SLC24A1: variants seen among roughly 807,000 people sequenced by gnomAD.
The protein encoded by SLC24A1 is sodium/potassium/calcium exchanger 1.
In SLC24A1, 52 loss-of-function variants were observed where a neutral mutation model predicts 88.1. That is an observed-to-expected ratio of 0.59 (90% CI 0.47 to 0.74). The LOEUF is 0.74. Ranked by LOEUF, SLC24A1 falls within the 30% of genes least tolerant of loss-of-function variation. SLC24A1 has a pLI of 0.00. For synonymous variants in SLC24A1, 455 were observed against 498.0 expected (o/e 0.91, Z 1.15); for missense variants, 1,173 against 1,363.3 (o/e 0.86, Z 2.20).
intron 1 of SLC24A1, among the ~76,000 whole-genome samples, chr15:65,622,345 G>A (rs1302683644): frequency 6.6e-6 from 1 of 152,166 alleles, no homozygotes; most frequent in Non-Finnish European, 1.5e-5. Context: ...TCCCTCTCTT[G>A]CTTTTTAAGA....
chr15:65,650,353 C>T lies in SLC24A1; in HGVS notation c.2233-29C>T, dbSNP rs752779453. 566 of 1,528,122 alleles carry T rather than the reference C, an allele frequency of 3.7e-4. No homozygotes were observed. The highest frequency in any genetic ancestry group is 2.9e-4 in the Non-Finnish European group (328 of 1,128,770). The allele number at this position is 1,528,122 out of a possible 1,614,324, so 94.7% of individuals were successfully genotyped here. ...AGGAAAACAAGCAGAGCAGTTACCA[C>T]ACATTAATCTGTTGGTTTTGGATTG... On this transcript the variant is annotated intron_variant, in intron 6 of 9. Transcript: ENST00000261892. The surrounding 1 kb of genome is among the most constrained non-coding windows in gnomAD (Gnocchi z 4.1).
At position 65,624,627 on chromosome 15, in the gene SLC24A1, A is replaced by C; in HGVS notation, c.547A>C (p.Arg183=). The change falls in exon 2 of 10, where the codon AGG becomes CGG. Residue 183 remains arginine (R), a synonymous_variant. Coordinates refer to ENST00000261892, the MANE Select transcript of SLC24A1 (RefSeq NM_004727.3). The part of the protein sequence containing the change: ...EMKSYSPTQV[R]EKVKYTPSPR... ...GAAGAGCTACAGCCCAACTCAAGTGAGGGAAAAGGTGAAGTATACTCCTTC... is the reference window on the plus strand; with the variant it reads ...GAAGAGCTACAGCCCAACTCAAGTGCGGGAAAAGGTGAAGTATACTCCTTC... The C allele has an allele frequency of 6.3e-7, 1 of 1,593,788 alleles. No individual in the cohort carries two copies. Among genetic ancestry groups the C allele is most frequent in the Non-Finnish European group, 8.5e-7 (1 of 1,170,124 alleles).
chr15:65,642,509 C>T (rs929774896), intron 4 of SLC24A1, among the ~76,000 whole-genome samples: 3 of 152,164 alleles, frequency 2.0e-5, no homozygotes, highest in African/African-American at 7.2e-5. Flanking sequence ...CTAGCCCTTC[C>T]AGCAACAGCC....
chr15:65,641,754 A>T (rs2075137527), intron 4 of SLC24A1, among the ~76,000 whole-genome samples: 1 of 152,162 alleles, frequency 6.6e-6, no homozygotes, highest in Admixed American at 6.5e-5. Context: ...CTCCCAGAGG[A>T]ATCACTGACT....
intron 4 of SLC24A1, among the ~76,000 whole-genome samples, chr15:65,640,598 A>G (rs2075091928): frequency 6.6e-6 from 1 of 152,170 alleles, no homozygotes; most frequent in African/African-American, 2.4e-5. Context: ...GCAGTTGGGC[A>G]GGAGGGCTGA....
intron 4 of SLC24A1, among the ~76,000 whole-genome samples, chr15:65,641,840 G>T (rs944411243): frequency 2.0e-5 from 3 of 152,244 alleles, no homozygotes; most frequent in African/African-American, 7.2e-5. Context: ...ATGACCAACA[G>T]CCTCCAGCTG....
chr15:65,625,574 A>G lies in SLC24A1; in HGVS notation c.1494A>G (p.Thr498=), dbSNP rs2074483399. 6.2e-7 allele frequency: 1 copy of G among 1,614,034 alleles called. No individual in the cohort carries two copies. The highest frequency in any genetic ancestry group is 8.5e-7 in the Non-Finnish European group (1 of 1,179,898). The part of the protein sequence containing the change: ...LQISEDVAGA[T]FMAAGGSAPE... ...TCTCCGAGGATGTGGCAGGCGCCACATTCATGGCTGCTGGAGGCTCTGCTC... is the reference window on the plus strand; with the variant it reads ...TCTCCGAGGATGTGGCAGGCGCCACGTTCATGGCTGCTGGAGGCTCTGCTC... Residue 498 remains threonine (T), a synonymous_variant, in exon 2 of 10, where the codon ACA becomes ACG. Coordinates refer to ENST00000261892, the MANE Select transcript of SLC24A1 (RefSeq NM_004727.3).
intron 7 of SLC24A1, 29 bp from the exon 8 acceptor site, chr15:65,651,640 AC>A (rs1566966564): frequency 8.4e-7 from 1 of 1,188,708 alleles, no homozygotes; most frequent in South Asian, 1.2e-5. Flanking sequence ...TCTACAGCTT[AC>A]TTCTTGTCCT....
Position 65,655,898 on chromosome 15 carries a change from AG to A in SLC24A1, c.*1821del. On this transcript the variant is annotated 3_prime_UTR_variant, in exon 10 of 10. Transcript: ENST00000261892. ...CATGGATGGGCTCATCCTTATCTTT[AG>A]GTCATTTGGTCAGAATCCTCCCGAG... 1.0e-6 allele frequency: 1 copy of A among 985,338 alleles called. No individual in the cohort carries two copies. The highest frequency in any genetic ancestry group is 1.2e-6 in the Non-Finnish European group (1 of 829,860). The allele number at this position is 985,338 out of a possible 1,614,324, so 61.0% of individuals were successfully genotyped here.
intron 2 of SLC24A1, among the ~76,000 whole-genome samples, chr15:65,634,528 G>A (rs1483980239): frequency 6.6e-6 from 1 of 152,156 alleles, no homozygotes; most frequent in Admixed American, 6.5e-5. Context: ...ATGTGTTTGT[G>A]AAAAGGGCAT....
rs762303019 is a variant in SLC24A1 at position 65,650,928 on chromosome 15, G to A, written c.2779G>A (p.Asp927Asn). 27 of 1,613,724 alleles carry A rather than the reference G, an allele frequency of 1.7e-5. No individual in the cohort carries two copies. The highest frequency in any genetic ancestry group is 5.5e-5 in the South Asian group (5 of 91,058). The change falls in exon 7 of 10, where the codon GAC becomes AAC. Residue 927 changes from aspartate (D) to asparagine (N), a missense_variant. Physicochemically the swap from Asp to Asn is conservative, Grantham distance 23 (BLOSUM62 1). Transcript: ENST00000261892. The surrounding 1 kb of genome is among the most constrained non-coding windows in gnomAD (Gnocchi z 4.1). ...GTTCCCACTGTGGCTGACAGTCCCCGACGTCCGAAGGCAGGTGAGTGTGCC... is the reference window on the plus strand; with the variant it reads ...GTTCCCACTGTGGCTGACAGTCCCCAACGTCCGAAGGCAGGTGAGTGTGCC... ...IVFPLWLTVP[D>N]VRRQESRKFF... is the part of the protein sequence containing the mutation.
chr15:65,615,207 A>AAAAC lies in SLC24A1; in HGVS notation c.-228+2618_-228+2621dup, dbSNP rs540023763. 4.4e-3 allele frequency among the ~76,000 whole-genome samples: 665 copies of AAAAC among 151,990 alleles called. 2 individuals are homozygous for AAAAC. The highest frequency in any genetic ancestry group is 9.2e-3 in the Admixed American group (141 of 15,268). On this transcript the variant is annotated intron_variant, in intron 2 of 11. Coordinates refer to the SLC24A1 transcript ENST00000537259. Reference sequence around the variant, plus strand: ...CAGCCAGGACAAGATCTTATCTCTAAAAACAAACAAACAAACAAACAAACA... The same window carrying AAAAC: ...CAGCCAGGACAAGATCTTATCTCTAAAAACAAACAAACAAACAAACAAACAAACA...
chr15:65,626,056 T>A, intron 2 of SLC24A1, 86 bp downstream of exon 2: 1 of 956,000 alleles, frequency 1.0e-6, no homozygotes, highest in Non-Finnish European at 1.7e-6. Flanking sequence ...AGGTGCTGGA[T>A]CAGACCTCAA....
chr15:65,646,902 A>T (rs1377975964), intron 6 of SLC24A1, among the ~76,000 whole-genome samples: 1 of 152,182 alleles, frequency 6.6e-6, no homozygotes, highest in African/African-American at 2.4e-5. Context: ...AGTAAAAAGG[A>T]TTAAGAGGAT....
intron 4 of SLC24A1, chr15:65,643,145 T>C: frequency 1.4e-6 from 1 of 699,952 alleles, no homozygotes; most frequent in Admixed American, 2.5e-5. Context: ...TCATTTACTT[T>C]GTCACCAACT....
At chr15:65,638,829 GAAGAA>G (rs1272374531) in intron 3 of SLC24A1, among the ~76,000 whole-genome samples, 1 of 152,130 alleles carries the variant, frequency 6.6e-6, no homozygotes, top group Non-Finnish European at 1.5e-5. Context: ...AAGGAGGGAG[GAAGAA>G]GAGAAGGGAG....
chr15:65,644,229 G>T, intron 4 of SLC24A1, 198 bp from the exon 5 acceptor site: 1 of 609,930 alleles, frequency 1.6e-6, no homozygotes, highest in East Asian at 2.9e-5. Context: ...TGCAGAGAAT[G>T]TAAGACAGAA....
At chr15:65,647,056 G>C (rs116173806) in intron 6 of SLC24A1, among the ~76,000 whole-genome samples, 1,849 of 152,254 alleles carry the variant, frequency 0.012, 30 homozygotes, top group South Asian at 0.041. Context: ...TCTGAGTACA[G>C]GCTCTATCAT....
intron 6 of SLC24A1, among the ~76,000 whole-genome samples, chr15:65,648,932 C>T (rs1398212892): frequency 6.6e-6 from 1 of 152,122 alleles, no homozygotes; most frequent in Non-Finnish European, 1.5e-5. Context: ...TGTCTGAGAC[C>T]ACACCCAGCT....
Sources: allele counts gnomAD v4.1 joint callset (sites outside exome capture counted in the v4.1 genomes callset), GRCh38; gene constraint gnomAD v4.1.1; non-coding constraint Gnocchi (gnomAD v3.1); transcripts MANE v1.5; gene names NCBI Gene and HGNC (gene_info 2026-07-23, HGNC 2026-07-21).